Variants in ELF1 observed in about 807,000 individuals in gnomAD.
The protein encoded by ELF1 is ETS-related transcription factor Elf-1.
A neutral mutation model predicts 59.9 loss-of-function variants in ELF1; 24 were observed. The observed-to-expected ratio is 0.40, with a 90% CI of 0.29 to 0.56. ELF1 has a LOEUF of 0.56. Ranked by LOEUF, ELF1 falls within the 20% of genes least tolerant of loss-of-function variation. ELF1 has a pLI of 0.44. For missense variants in ELF1, 627 were observed against 742.2 expected (o/e 0.84, Z 1.80); for synonymous variants, 248 against 266.2 (o/e 0.93, Z 0.67).
intron 1 of ELF1, among the ~76,000 whole-genome samples, chr13:41,001,101 C>G (rs1421352942): frequency 6.6e-6 from 1 of 151,824 alleles, no homozygotes; most frequent in African/African-American, 2.4e-5. Context: ...CTCAGCCTCC[C>G]AACTAGCTGG....
chr13:41,036,793 T>C (rs1876399350), intron 1 of ELF1, among the ~76,000 whole-genome samples: 1 of 152,232 alleles, frequency 6.6e-6, no homozygotes, highest in Admixed American at 6.5e-5. Context: ...GATGAGTTCA[T>C]GTCCTTTGTA....
At chr13:40,937,224 T>A (rs1299862463) in intron 8 of ELF1, among the ~76,000 whole-genome samples, 1 of 152,138 alleles carries the variant, frequency 6.6e-6, no homozygotes, top group Non-Finnish European at 1.5e-5. Context: ...TTTTTAAAAA[T>A]CTCCTAAGCT....
intron 1 of ELF1, among the ~76,000 whole-genome samples, chr13:41,033,246 T>G (rs1876241944): frequency 6.6e-6 from 1 of 152,218 alleles, no homozygotes; most frequent in African/African-American, 2.4e-5. Flanking sequence ...GTCCTAACTC[T>G]ACTATTGACT....
intron 1 of ELF1, among the ~76,000 whole-genome samples, chr13:41,050,152 A>G (rs944188880): frequency 6.6e-6 from 1 of 152,174 alleles, no homozygotes; most frequent in Non-Finnish European, 1.5e-5. Flanking sequence ...CTCTATATCC[A>G]TTAAGCAATA....
At chr13:40,996,709 G>A (rs1289302304) in intron 1 of ELF1, among the ~76,000 whole-genome samples, 2 of 152,146 alleles carry the variant, frequency 1.3e-5, no homozygotes, top group East Asian at 1.9e-4. Flanking sequence ...GCAGGGGCAG[G>A]AGGTATATGG....
At chr13:40,988,191 C>T (rs144995319) in intron 1 of ELF1, among the ~76,000 whole-genome samples, 559 of 152,284 alleles carry the variant, frequency 3.7e-3, no homozygotes, top group Non-Finnish European at 5.6e-3. Flanking sequence ...AAAGTTTGCC[C>T]ATTCTCAATC....
chr13:40,995,070 CTGTTA>C (rs1159733128), intron 1 of ELF1, among the ~76,000 whole-genome samples: 1 of 152,168 alleles, frequency 6.6e-6, no homozygotes, highest in Non-Finnish European at 1.5e-5. Context: ...AAACTGTATT[CTGTTA>C]TAAGAAGTTT....
In ELF1 at chr13:40,947,706, C is replaced by G. The variant is rs116042575; in HGVS notation, c.529+2100G>C. Among the ~76,000 whole-genome samples, 1,500 of 152,216 alleles carry G rather than the reference C, an allele frequency of 9.9e-3. 28 individuals carry two copies. Among genetic ancestry groups the G allele is most frequent in the African/African-American group, 0.034 (1,431 of 41,516 alleles). On this transcript the variant is annotated intron_variant, in intron 5 of 8. Transcript: ENST00000239882. ...AGGTGGGTTATACATTCAACCTAGGCCATACAAGATTTCCTCAGATAAAGC... is the reference window on the plus strand; with the variant it reads ...AGGTGGGTTATACATTCAACCTAGGGCATACAAGATTTCCTCAGATAAAGC...
intron 1 of ELF1, among the ~76,000 whole-genome samples, chr13:41,036,703 C>T (rs1270177049): frequency 5.9e-5 from 9 of 152,146 alleles, no homozygotes; most frequent in Admixed American, 5.2e-4. Flanking sequence ...TGGAACCAAC[C>T]CAAATGTCCA....
chr13:40,960,576 T>C (rs774470490), intron 2 of ELF1, among the ~76,000 whole-genome samples: 8 of 152,220 alleles, frequency 5.3e-5, no homozygotes, highest in Non-Finnish European at 8.8e-5. Context: ...TGTCCCCCCA[T>C]TGCTGGGGAT....
rs144587033 is a variant in ELF1, at chr13:41,031,362, T to C, written c.-229+29476A>G. Among the ~76,000 whole-genome samples, 221 of 152,286 alleles carry C rather than the reference T, an allele frequency of 1.5e-3. 1 individual carries two copies. Among genetic ancestry groups the C allele is most frequent in the African/African-American group, 5.0e-3 (207 of 41,562 alleles). ...GTGGACAAGTTATTTCACACTACTA[T>C]GGAATTTCAGTTTCCTTTTTTGTAA... On this transcript the variant is annotated intron_variant, in intron 1 of 1. Coordinates refer to the ELF1 transcript ENST00000405737.
intron 2 of ELF1, among the ~76,000 whole-genome samples, chr13:40,975,757 T>C (rs1872867939): frequency 6.6e-6 from 1 of 152,184 alleles, no homozygotes; most frequent in African/African-American, 2.4e-5. Flanking sequence ...TCTGATATGA[T>C]AAGAACCATA....
At chr13:41,015,420 T>C (rs916984728) in intron 1 of ELF1, among the ~76,000 whole-genome samples, 1 of 152,074 alleles carries the variant, frequency 6.6e-6, no homozygotes, top group African/African-American at 2.4e-5. Context: ...AGTACTCTAG[T>C]TGCTTTCCTT....
chr13:41,032,333 TC>T (rs1442374860), intron 1 of ELF1, among the ~76,000 whole-genome samples: 1 of 151,698 alleles, frequency 6.6e-6, no homozygotes, highest in East Asian at 1.9e-4. Context: ...TTCTCCTGCC[TC>T]AGCCTCCTGA....
chr13:40,989,836 G>C (rs547684725), intron 1 of ELF1, among the ~76,000 whole-genome samples: 2 of 152,086 alleles, frequency 1.3e-5, no homozygotes, highest in Non-Finnish European at 2.9e-5. Flanking sequence ...TTCTAGGAAG[G>C]GGGAATTTAA....
chr13:41,014,856 T>C (rs1875266269), intron 1 of ELF1, among the ~76,000 whole-genome samples: 2 of 152,036 alleles, frequency 1.3e-5, no homozygotes, highest in African/African-American at 4.8e-5. Context: ...AACCTACAAA[T>C]ATGCAATCAA....
At chr13:40,952,794 C>A (rs2138166611) in intron 3 of ELF1, among the ~76,000 whole-genome samples, 2 of 152,248 alleles carry the variant, frequency 1.3e-5, no homozygotes, top group Non-Finnish European at 2.9e-5. Flanking sequence ...CAACTATTAT[C>A]ACCAAATGGC....
At chr13:40,936,236 C>T (rs941364872) in intron 8 of ELF1, among the ~76,000 whole-genome samples, 5 of 152,176 alleles carry the variant, frequency 3.3e-5, no homozygotes, top group African/African-American at 7.2e-5. Flanking sequence ...CAGACTGCCG[C>T]CACTTAAGTC....
At chr13:40,950,609 A>G (rs1870792718) in intron 4 of ELF1, among the ~76,000 whole-genome samples, 2 of 152,068 alleles carry the variant, frequency 1.3e-5, no homozygotes, top group African/African-American at 4.8e-5. Context: ...AGGTCAGAAT[A>G]CTCCTTCAAT....
Sources: gnomAD v4.1 joint callset for allele counts (sites outside exome capture counted in the v4.1 genomes callset) on GRCh38, gnomAD v4.1.1 for gene constraint, MANE v1.5 for transcripts, NCBI Gene and HGNC (gene_info 2026-07-23, HGNC 2026-07-21) for gene names.